Variants in RAPGEF6 observed in about 807,000 individuals in gnomAD.
The protein encoded by RAPGEF6 is PDZ domain containing guanine nucleotide exchange factor (GEF) 2.
A neutral mutation model predicts 171.4 loss-of-function variants in RAPGEF6; 56 were observed. The observed-to-expected ratio is 0.33, with a 90% CI of 0.26 to 0.41. RAPGEF6 has a LOEUF of 0.41. Ranked by LOEUF, RAPGEF6 falls within the 10% of genes least tolerant of loss-of-function variation. The pLI, the probability that RAPGEF6 is intolerant of heterozygous loss-of-function variation, is 1.00. For missense variants in RAPGEF6, 1,674 were observed against 1,921.4 expected, an observed-to-expected ratio of 0.87 and a Z score of 2.41; for synonymous variants, 692 against 650.1, an observed-to-expected ratio of 1.06 and a Z score of -0.98.
chr5:131,512,170 T>C (rs1045923414), intron 7 of RAPGEF6, among the ~76,000 whole-genome samples: 14 of 152,062 alleles, frequency 9.2e-5, no homozygotes, highest in South Asian at 4.1e-4. Flanking sequence ...GAGCACAGCA[T>C]GTGCTGCAAA....
chr5:131,570,824 T>C (rs954477758), intron 4 of RAPGEF6, among the ~76,000 whole-genome samples: 2 of 152,014 alleles, frequency 1.3e-5, no homozygotes, highest in Admixed American at 6.6e-5. Flanking sequence ...GTGTGGAAAG[T>C]AGAGATTACA....
intron 2 of RAPGEF6, 36 bp from the exon 3 acceptor site, chr5:131,603,363 T>C: frequency 7.2e-7 from 1 of 1,382,048 alleles, no homozygotes; most frequent in Non-Finnish European, 1.0e-6. Flanking sequence ...TTATCTTACA[T>C]TTTGTTTTTA....
chr5:131,597,570 G>C (rs1317024925), intron 3 of RAPGEF6, among the ~76,000 whole-genome samples: 1 of 152,254 alleles, frequency 6.6e-6, no homozygotes, highest in South Asian at 2.1e-4. Context: ...GGAACTGGAG[G>C]ATATTATGTT....
At chr5:131,428,289 T>G (rs1751491566) in intron 27 of RAPGEF6, among the ~76,000 whole-genome samples, 1 of 152,126 alleles carries the variant, frequency 6.6e-6, no homozygotes, top group African/African-American at 2.4e-5. Flanking sequence ...GGTGTGCACC[T>G]GTAGTCCCAG....
intron 6 of RAPGEF6, among the ~76,000 whole-genome samples, chr5:131,535,918 A>C (rs980725): frequency 6.6e-6 from 1 of 152,038 alleles, no homozygotes; most frequent in East Asian, 1.9e-4. Context: ...TAAGAGGATA[A>C]ACATTCTAGG....
chr5:131,535,323 T>G (rs183767958), intron 6 of RAPGEF6, among the ~76,000 whole-genome samples: 1 of 152,158 alleles, frequency 6.6e-6, no homozygotes, highest in Non-Finnish European at 1.5e-5. Flanking sequence ...ACCTTTTAAC[T>G]ACTGAATGAA....
intron 6 of RAPGEF6, among the ~76,000 whole-genome samples, chr5:131,534,052 T>C (rs1344761432): frequency 2.6e-5 from 4 of 152,080 alleles, no homozygotes; most frequent in Admixed American, 6.6e-5. Flanking sequence ...TAGTAAAATA[T>C]AGTTAGTTAT....
intron 19 of RAPGEF6, among the ~76,000 whole-genome samples, chr5:131,457,470 A>G (rs1753594766): frequency 6.6e-6 from 1 of 152,226 alleles, no homozygotes; most frequent in Non-Finnish European, 1.5e-5. Context: ...AGCAGCCCTA[A>G]TGCTGCCACA....
At chr5:131,592,608 C>A in intron 3 of RAPGEF6, 142 bp from the exon 4 acceptor site, 1 of 1,412,646 alleles carries the variant, frequency 7.1e-7, no homozygotes, top group Non-Finnish European at 9.3e-7. Context: ...AATATTTTGC[C>A]TGTTGCCTAA....
intron 21 of RAPGEF6, 132 bp downstream of exon 21, chr5:131,452,922 G>A: frequency 8.8e-7 from 1 of 1,132,474 alleles, no homozygotes; most frequent in East Asian, 2.8e-5. Context: ...ATGATTACAT[G>A]AAACGGACAC....
intron 26 of RAPGEF6, among the ~76,000 whole-genome samples, chr5:131,430,349 A>G (rs998334121): frequency 2.0e-5 from 3 of 152,214 alleles, no homozygotes; most frequent in African/African-American, 7.2e-5. Context: ...AAAGCTTGGA[A>G]TGGAATTCAC....
rs78303958 is a variant in RAPGEF6, at chr5:131,464,881, G to C, written c.2240-600C>G. Among the ~76,000 whole-genome samples, 937 of 152,188 alleles carry C rather than the reference G, an allele frequency of 6.2e-3. 6 individuals carry two copies. Among genetic ancestry groups the C allele is most frequent in the African/African-American group, 0.021 (888 of 41,514 alleles). On this transcript the variant is annotated intron_variant, in intron 17 of 27. Transcript: ENST00000509018. ...CGTTATAATATTTTATAATCCTAGA[G>C]TGTAAGGGAACAAATTTGGTCACAT...
In RAPGEF6 at chr5:131,428,975, C is replaced by T; in HGVS notation, c.4707G>A (p.Gln1569=). The T allele has an allele frequency of 1.2e-6, 2 of 1,614,212 alleles. No individual in the cohort carries two copies. Among genetic ancestry groups the T allele is most frequent in the Middle Eastern group, 1.6e-4 (1 of 6,062 alleles). Residue 1569 remains glutamine, a synonymous_variant, in exon 27 of 28, where the codon CAG becomes CAA. Coordinates refer to ENST00000509018, the MANE Select transcript of RAPGEF6 (RefSeq NM_016340.6). ...ATGGCTGCAAATTATGCCTCTGAGG[C>T]TGAGTTACAATCTTCGATGGAACAC... ...VACVPSKIVT[Q]PQRHNLQPFH...
chr5:131,528,297 AAAT>A (rs1438798685), intron 6 of RAPGEF6, among the ~76,000 whole-genome samples: 1 of 70,324 alleles, frequency 1.4e-5, no homozygotes, highest in African/African-American at 4.3e-5. Flanking sequence ...AAATAAAATA[AAAT>A]AATATATTTA....
intron 3 of RAPGEF6, among the ~76,000 whole-genome samples, chr5:131,601,868 C>G (rs925716716): frequency 6.6e-6 from 1 of 151,864 alleles, no homozygotes; most frequent in Non-Finnish European, 1.5e-5. Flanking sequence ...CCCGTCTCTA[C>G]TAAAAATACA....
Position 131,525,388 on chromosome 5 carries a change from A to ACTATC in RAPGEF6, c.496-3868_496-3867insGATAG, listed in dbSNP as rs1580969364. ...TAAATAGAAAACTATCATGTTAGAA[A>ACTATC]ATTGTAAACAATCCTCTATTGAAAT... On this transcript the variant is annotated intron_variant, in intron 6 of 27. Coordinates refer to ENST00000509018, the MANE Select transcript of RAPGEF6 (RefSeq NM_016340.6). 2.0e-5 allele frequency among the ~76,000 whole-genome samples: 3 copies of ACTATC among 152,348 alleles called. No individual in the cohort carries two copies. The East Asian group carries it at 5.8e-4, about 29-fold the overall frequency.
At chr5:131,458,453 T>C (rs762275537) in intron 19 of RAPGEF6, among the ~76,000 whole-genome samples, 1 of 152,194 alleles carries the variant, frequency 6.6e-6, no homozygotes, top group Non-Finnish European at 1.5e-5. Context: ...CTCTTTTCTT[T>C]ATAAATTACA....
chr5:131,548,118 ATCT>A lies in RAPGEF6; in HGVS notation c.421_423del (p.Arg141del), dbSNP rs755556900. The A allele has an allele frequency of 3.7e-6, 6 of 1,613,834 alleles. No homozygotes were observed. Among genetic ancestry groups the A allele is most frequent in the Non-Finnish European group, 4.2e-6 (5 of 1,179,926 alleles). On this transcript the variant is annotated inframe_deletion, in exon 6 of 28. Transcript: ENST00000509018. ...TCTCCTTTATAGTTAATTTTCCGAA[ATCT>A]TCTTCGGGATTGTCTGGCAGGAATT...
intron 4 of RAPGEF6, among the ~76,000 whole-genome samples, chr5:131,566,890 C>A (rs979160060): frequency 1.3e-5 from 2 of 151,910 alleles, no homozygotes; most frequent in Non-Finnish European, 2.9e-5. Context: ...AGGTGGATCA[C>A]CTGAGGTCAG....
Sources: allele counts gnomAD v4.1 joint callset (sites outside exome capture counted in the v4.1 genomes callset), GRCh38; gene constraint gnomAD v4.1.1; transcripts MANE v1.5; gene names NCBI Gene and HGNC (gene_info 2026-07-23, HGNC 2026-07-21).